TMOD3: variants seen among roughly 807,000 people sequenced by gnomAD.
TMOD3 encodes tropomodulin-3.
TMOD3 carries 20 observed loss-of-function variants against 39.2 expected under a neutral mutation model. That is an observed-to-expected ratio of 0.51 (90% CI 0.36 to 0.74). The LOEUF is 0.74. Ranked by LOEUF, TMOD3 falls within the 30% of genes least tolerant of loss-of-function variation. The pLI is 0.00. For synonymous variants in TMOD3, 143 were observed against 145.8 expected (o/e 0.98, Z 0.14); for missense variants, 381 against 412.8 (o/e 0.92, Z 0.67).
intron 4 of TMOD3, 42 bp from the exon 5 acceptor site, chr15:51,889,014 C>A: frequency 1.5e-6 from 2 of 1,313,440 alleles, no homozygotes; most frequent in Non-Finnish European, 2.1e-6. Context: ...TAAAACTCTT[C>A]ATGTTTAAAA....
At chr15:51,844,951 A>G (rs909313750) in intron 1 of TMOD3, among the ~76,000 whole-genome samples, 8 of 152,044 alleles carry the variant, frequency 5.3e-5, no homozygotes, top group Non-Finnish European at 1.2e-4. Context: ...TTTTAAGTCT[A>G]TCTGGTTCTT....
In TMOD3 at chr15:51,911,524, A is replaced by G. The variant is rs1465204111; in HGVS notation, c.*2714A>G. 1 of 152,148 alleles carries G rather than the reference A, an allele frequency of 6.6e-6. No individual in the cohort carries two copies. Among genetic ancestry groups the G allele is most frequent in the Non-Finnish European group, 1.5e-5 (1 of 68,014 alleles). The allele number at this position is 152,148 out of a possible 1,614,324, so 9.4% of individuals were successfully genotyped here. A position where few individuals can be genotyped will look rare whatever the true frequency, so the allele number is the denominator to read the frequency against. The stretch of plus-strand genomic sequence containing the variant: ...TTCAGTATTTCTAAATTGCTCTAAA[A>G]TTTTATAATAAATAGATTAGGGTTT... On this transcript the variant is annotated 3_prime_UTR_variant, in exon 10 of 10. Coordinates refer to ENST00000308580, the MANE Select transcript of TMOD3 (RefSeq NM_014547.5).
In TMOD3 at chr15:51,901,897, G is replaced by A; in HGVS notation, c.885G>A (p.Gln295=). The change falls in exon 9 of 10, where the codon CAG becomes CAA. Residue 295 remains glutamine (Q), a synonymous_variant. Transcript: ENST00000308580. ...TTTTTTTCTAATTACTCCAGAGGCA[G>A]CAGTTGGGGACAGCTGTAGAATTGG... is the stretch of plus-strand genomic sequence containing the variant. The part of the protein sequence containing the change: ...LAELKIDNQR[Q]QLGTAVELEM... 1 of 1,613,010 alleles carries A rather than the reference G, an allele frequency of 6.2e-7. No individual in the cohort carries two copies. The highest frequency in any genetic ancestry group is 1.1e-5 in the South Asian group (1 of 90,898).
intron 1 of TMOD3, among the ~76,000 whole-genome samples, chr15:51,858,514 A>T (rs558696483): frequency 2.0e-5 from 3 of 151,740 alleles, no homozygotes; most frequent in African/African-American, 7.2e-5. Flanking sequence ...TTGGGCAGTT[A>T]CACAAGTTGC....
At position 51,910,367 on chromosome 15, in the gene TMOD3, G is replaced by A. The variant is rs138204329; in HGVS notation, c.*1557G>A. Reference sequence around the variant, plus strand: ...AAAGTGGGTGGATCACTTAAGGTCAGGAGTTCAAGACCAGCCTGGCCAACA... The same window carrying A: ...AAAGTGGGTGGATCACTTAAGGTCAAGAGTTCAAGACCAGCCTGGCCAACA... On this transcript the variant is annotated 3_prime_UTR_variant, in exon 10 of 10. Transcript: ENST00000308580. 6.6e-6 allele frequency: 1 copy of A among 152,268 alleles called. No homozygotes were observed. The highest frequency in any genetic ancestry group is 2.4e-5 in the African/African-American group (1 of 41,444). The allele number at this position is 152,268 out of a possible 1,614,324, so 9.4% of individuals were successfully genotyped here.
At position 51,887,710 on chromosome 15, in the gene TMOD3, AG is replaced by A; in HGVS notation, c.406+1del. 1 of 1,613,706 alleles carries A rather than the reference AG, an allele frequency of 6.2e-7. No homozygotes were observed. Among genetic ancestry groups the A allele is most frequent in the Non-Finnish European group, 8.5e-7 (1 of 1,179,888 alleles). On this transcript the variant is annotated frameshift_variant and splice_region_variant, in exon 4 of 10. Coordinates refer to ENST00000308580, the MANE Select transcript of TMOD3 (RefSeq NM_014547.5). LOFTEE classifies it high-confidence loss of function. The stretch of plus-strand genomic sequence containing the variant: ...CTGATACAGAATTGTGTGACCTCGC[AG>A]GTATCACCTAAAACAAGTTAATTTG... Reference protein sequence around the residue: ...ASDTELCDLAAILGMHNLITN... With the variant: ...ASDTELCDLAXILGMHNLITN...
intron 9 of TMOD3, among the ~76,000 whole-genome samples, chr15:51,906,122 T>G (rs1191539792): frequency 6.6e-6 from 1 of 152,138 alleles, no homozygotes; most frequent in African/African-American, 2.4e-5. Flanking sequence ...GTTGCCCCAT[T>G]GTCCTCTGTT....
rs1474976790 is a variant in TMOD3 at position 51,914,942 on chromosome 15, G to T, written c.*6132G>T. 1 of 151,964 alleles carries T rather than the reference G, an allele frequency of 6.6e-6. No individual in the cohort carries two copies. Among genetic ancestry groups the T allele is most frequent in the Admixed American group, 6.6e-5 (1 of 15,252 alleles). The allele number at this position is 151,964 out of a possible 1,614,324, so 9.4% of individuals were successfully genotyped here. On this transcript the variant is annotated 3_prime_UTR_variant, in exon 10 of 10. Coordinates refer to ENST00000308580, the MANE Select transcript of TMOD3 (RefSeq NM_014547.5). ...AGACGGAGTTTCACCATCTTGGCCA[G>T]GCTGGTCTCGAACTCCTGACCTCGT...
chr15:51,830,168 A>G (rs2056247240), intron 1 of TMOD3, among the ~76,000 whole-genome samples: 1 of 151,854 alleles, frequency 6.6e-6, no homozygotes, highest in African/African-American at 2.4e-5. Context: ...GGCTCCCTGC[A>G]CCCTACCCAG....
Position 51,901,944 on chromosome 15 carries a change from A to G in TMOD3, c.932A>G (p.Glu311Gly). Residue 311 changes from glutamate (E) to glycine (G), a missense_variant, in exon 9 of 10, where the codon GAA becomes GGA. Coordinates refer to ENST00000308580, the MANE Select transcript of TMOD3 (RefSeq NM_014547.5). ...VELEMAKMLE[E>G]NTNILKFGYQ... ...TTGGAAATGGCCAAGATGCTTGAGG[A>G]AAATACAAATATCCTTAAATTTGGA... The G allele has an allele frequency of 1.9e-6, 3 of 1,614,182 alleles. No individual in the cohort carries two copies. The highest frequency in any genetic ancestry group is 2.5e-6 in the Non-Finnish European group (3 of 1,180,028).
intron 3 of TMOD3, among the ~76,000 whole-genome samples, chr15:51,871,474 G>A (rs2912189): frequency 0.35 from 53,670 of 151,974 alleles, 10,030 homozygotes; most frequent in Admixed American, 0.42. Flanking sequence ...GAAACAAAGC[G>A]AGAGATGTGA....
chr15:51,864,657 A>G (rs1595897344), intron 2 of TMOD3, among the ~76,000 whole-genome samples: 1 of 152,192 alleles, frequency 6.6e-6, no homozygotes, highest in African/African-American at 2.4e-5. Flanking sequence ...TTCAATGGGA[A>G]TGAATGGGTG....
chr15:51,908,331 T>A (rs2056692508), intron 9 of TMOD3, among the ~76,000 whole-genome samples: 1 of 152,210 alleles, frequency 6.6e-6, no homozygotes. Context: ...CCCAGCACTT[T>A]GGGATGCTGA....
intron 9 of TMOD3, among the ~76,000 whole-genome samples, chr15:51,905,762 G>C (rs974616879): frequency 1.1e-4 from 16 of 152,040 alleles, no homozygotes; most frequent in African/African-American, 3.6e-4. Context: ...TGGTAACAAG[G>C]TGAAACCCCG....
intron 1 of TMOD3, among the ~76,000 whole-genome samples, chr15:51,846,152 C>CAAA (rs139987097): frequency 0.016 from 2,277 of 140,646 alleles, 43 homozygotes; most frequent in East Asian, 0.05. Flanking sequence ...CCCATTTCTA[C>CAAA]CAAAAAAAAA....
rs756892298 is a variant in TMOD3 at position 51,896,567 on chromosome 15, CA to C, written c.735+42del. The C allele has an allele frequency of 7.5e-6, 11 of 1,468,742 alleles. No homozygotes were observed. In the South Asian group the frequency reaches 1.2e-4, roughly 15 times the overall value. The allele number at this position is 1,468,742 out of a possible 1,614,324, so 91.0% of individuals were successfully genotyped here. A position where few individuals can be genotyped will look rare whatever the true frequency, so the allele number is the denominator to read the frequency against. On this transcript the variant is annotated intron_variant, in intron 7 of 9. Transcript: ENST00000308580. ...GAGAATATCAAAATTATGACATGCCCAGGGTGTGTTACAGTGGTGATTTTTA... is the reference window on the plus strand; with the variant it reads ...GAGAATATCAAAATTATGACATGCCCGGGTGTGTTACAGTGGTGATTTTTA...
At position 51,889,102 on chromosome 15, in the gene TMOD3, T is replaced by A; in HGVS notation, c.453T>A (p.Asn151Lys). The A allele has an allele frequency of 6.3e-7, 1 of 1,597,524 alleles. No homozygotes were observed. Among genetic ancestry groups the A allele is most frequent in the Non-Finnish European group, 8.5e-7 (1 of 1,175,048 alleles). Residue 151 changes from asparagine to lysine, a missense_variant, in exon 5 of 10, where the codon AAT (asparagine) becomes AAA (lysine). Asn to Lys is a moderately conservative substitution (Grantham distance 94). Coordinates refer to ENST00000308580, the MANE Select transcript of TMOD3 (RefSeq NM_014547.5). Reference sequence around the variant, plus strand: ...TGATAACGAATACAAAGTTCTGTAATATAATGGGAAGTAGTAATGGTGTTG... The same window carrying A: ...TGATAACGAATACAAAGTTCTGTAAAATAATGGGAAGTAGTAATGGTGTTG... ...HNLITNTKFC[N>K]IMGSSNGVDQ...
intron 2 of TMOD3, among the ~76,000 whole-genome samples, chr15:51,865,616 C>T (rs944530683): frequency 6.6e-6 from 1 of 152,168 alleles, no homozygotes; most frequent in Non-Finnish European, 1.5e-5. Context: ...CCTCTAACCT[C>T]AATACTGTTA....
At chr15:51,843,256 A>T (rs1412094414) in intron 1 of TMOD3, among the ~76,000 whole-genome samples, 1 of 152,228 alleles carries the variant, frequency 6.6e-6, no homozygotes, top group East Asian at 1.9e-4. Context: ...GGATTGTTTA[A>T]GAAGAGTGAC....
Sources: allele counts gnomAD v4.1 joint callset (sites outside exome capture counted in the v4.1 genomes callset), GRCh38; gene constraint gnomAD v4.1.1; transcripts MANE v1.5; gene names NCBI Gene and HGNC (gene_info 2026-07-23, HGNC 2026-07-21).